Variants in PALM2AKAP2 observed in about 807,000 individuals in gnomAD.
PALM2AKAP2 encodes PALM2 and AKAP2 fusion, also known as PALM2-AKAP2 fusion protein.
PALM2AKAP2 carries 37 observed loss-of-function variants against 71.5 expected under a neutral mutation model. The ratio of observed to expected loss-of-function variants is 0.52; its 90% CI spans 0.40 to 0.68. The LOEUF (loss-of-function observed/expected upper bound fraction) is 0.68. Ranked by LOEUF, PALM2AKAP2 falls within the 30% of genes least tolerant of loss-of-function variation. PALM2AKAP2 has a pLI of 0.00. For synonymous variants in PALM2AKAP2, 468 were observed against 478.8 expected, an observed-to-expected ratio of 0.98 and a Z score of 0.29; for missense variants, 1,224 against 1,191.8, an observed-to-expected ratio of 1.03 and a Z score of -0.40.
At chr9:110,044,195 C>A (rs1001146686), upstream of PALM2AKAP2, among the ~76,000 whole-genome samples, 3 of 152,132 alleles carry the variant, frequency 2.0e-5, no homozygotes, top group Admixed American at 2.0e-4. Flanking sequence ...GAGGATCCCC[C>A]TGGGCTTGGG....
At chr9:109,854,763 CT>C (rs34401582) in intron 1 of PALM2AKAP2, among the ~76,000 whole-genome samples, 1,197 of 66,082 alleles carry the variant, frequency 0.018, 15 homozygotes, top group African/African-American at 0.069. Flanking sequence ...AAGAATGTAT[CT>C]TTTTTTTTTT....
At position 109,710,897 on chromosome 9, in the gene PALM2AKAP2, A is replaced by G. The variant is rs148461264; in HGVS notation, c.6-69591A>G. On this transcript the variant is annotated intron_variant, in intron 1 of 6. Transcript: ENST00000374531. The stretch of plus-strand genomic sequence containing the variant: ...ATATACCTTCTGGAAAAGAAAGAGC[A>G]GGGAAAAAGCAGGAGCTACAGTTTA... 3.7e-3 allele frequency among the ~76,000 whole-genome samples: 569 copies of G among 152,310 alleles called. 3 individuals are homozygous for G. The highest frequency in any genetic ancestry group is 0.013 in the African/African-American group (550 of 41,576).
chr9:109,967,911 A>T (rs1831988061), intron 6 of PALM2AKAP2, among the ~76,000 whole-genome samples: 1 of 152,196 alleles, frequency 6.6e-6, no homozygotes, highest in African/African-American at 2.4e-5. Flanking sequence ...AACAGGCAGG[A>T]TGGTGTGTGA....
At chr9:109,699,784 T>A (rs1428404573) in intron 1 of PALM2AKAP2, among the ~76,000 whole-genome samples, 4 of 151,912 alleles carry the variant, frequency 2.6e-5, no homozygotes, top group Admixed American at 2.0e-4. Flanking sequence ...ATTTATTTTT[T>A]TTTTTTTTGA....
chr9:109,872,765 T>A (rs1213028154), intron 2 of PALM2AKAP2, among the ~76,000 whole-genome samples: 1 of 152,242 alleles, frequency 6.6e-6, no homozygotes. Context: ...GATATTACAG[T>A]GTCTTTCCCG....
chr9:110,118,431 A>C (rs1473272411), intron 1 of PALM2AKAP2, among the ~76,000 whole-genome samples: 1 of 151,950 alleles, frequency 6.6e-6, no homozygotes, highest in Non-Finnish European at 1.5e-5. Flanking sequence ...TATTTTTAGT[A>C]GAGACAGGAT....
chr9:110,106,399 G>T (rs1835122138), intron 1 of PALM2AKAP2, among the ~76,000 whole-genome samples: 1 of 152,192 alleles, frequency 6.6e-6, no homozygotes, highest in Non-Finnish European at 1.5e-5. Context: ...GTCTAAATAT[G>T]TGAAATGAGT....
intron 1 of PALM2AKAP2, among the ~76,000 whole-genome samples, chr9:110,052,374 G>A (rs1227534967): frequency 6.6e-6 from 1 of 152,230 alleles, no homozygotes; most frequent in African/African-American, 2.4e-5. Flanking sequence ...CATGATGGGA[G>A]TTAAGGTAAT....
chr9:109,866,255 C>T (rs957155596), intron 1 of PALM2AKAP2, among the ~76,000 whole-genome samples: 2 of 152,152 alleles, frequency 1.3e-5, no homozygotes, highest in Non-Finnish European at 2.9e-5. Context: ...TAACACTGAG[C>T]ACAGCAGCCA....
chr9:109,911,156 T>G (rs753860045), intron 3 of PALM2AKAP2, among the ~76,000 whole-genome samples: 25 of 152,182 alleles, frequency 1.6e-4, no homozygotes, highest in Non-Finnish European at 2.8e-4. Context: ...ATGGGACTTT[T>G]TCTCTTCCTA....
chr9:109,819,002 T>C (rs1827920401), intron 1 of PALM2AKAP2, among the ~76,000 whole-genome samples: 1 of 152,180 alleles, frequency 6.6e-6, no homozygotes, highest in Non-Finnish European at 1.5e-5. Flanking sequence ...GAAGGCATCT[T>C]TCCATTGGAA....
At chr9:109,714,344 C>T (rs1828285644) in intron 1 of PALM2AKAP2, among the ~76,000 whole-genome samples, 1 of 152,168 alleles carries the variant, frequency 6.6e-6, no homozygotes, top group Non-Finnish European at 1.5e-5. Flanking sequence ...TCACAATTTC[C>T]ACAACTATTG....
intron 1 of PALM2AKAP2, among the ~76,000 whole-genome samples, chr9:109,864,423 T>A (rs949967033): frequency 2.0e-5 from 3 of 152,316 alleles, no homozygotes; most frequent in Admixed American, 6.5e-5. Flanking sequence ...TCTCATCAAT[T>A]CTGTTTCTTC....
At chr9:109,651,117 T>C (rs1483377862) in intron 1 of PALM2AKAP2, among the ~76,000 whole-genome samples, 1 of 152,206 alleles carries the variant, frequency 6.6e-6, no homozygotes, top group African/African-American at 2.4e-5. Context: ...CTGACCTCTA[T>C]GGACTCCCTC....
rs181163956 is a variant in PALM2AKAP2 at position 109,867,394 on chromosome 9, A to C, written c.46-97A>C. The stretch of plus-strand genomic sequence containing the variant: ...GTGCCCGGTGTCTCTGGAAGTGTCT[A>C]TACAGATGTGTGCTGCTGCTGCTGC... On this transcript the variant is annotated intron_variant, in intron 1 of 9. Coordinates refer to the PALM2AKAP2 transcript ENST00000302798. 2.9e-4 allele frequency: 406 copies of C among 1,407,346 alleles called. 1 individual carries two copies. The East Asian group carries it at 9.2e-3, about 32-fold the overall frequency. 87.2% of individuals were successfully genotyped at this position (1,407,346 alleles called of 1,614,324 possible).
In PALM2AKAP2 at chr9:110,027,963, T is replaced by C. The variant is rs907793107; in HGVS notation, c.582+11924T>C. ...GGACAGAAAACCTTTCTACATTGTG[T>C]ATATACATAAAGATCGCTCTAAATT... On this transcript the variant is annotated intron_variant, in intron 7 of 9. Coordinates refer to the PALM2AKAP2 transcript ENST00000302798. Among the ~76,000 whole-genome samples the C allele has an allele frequency of 2.6e-5, 4 of 152,328 alleles. No individual in the cohort carries two copies. In the South Asian group the frequency reaches 8.3e-4, roughly 32 times the overall value.
intron 1 of PALM2AKAP2, among the ~76,000 whole-genome samples, chr9:109,641,434 G>C (rs1827067865): frequency 6.6e-6 from 1 of 152,230 alleles, no homozygotes; most frequent in Non-Finnish European, 1.5e-5. Flanking sequence ...CAAACATATT[G>C]GCGGCAGCCC....
rs150621620 is a variant in PALM2AKAP2 at position 109,949,005 on chromosome 9, A to G, written c.496+16977A>G. 3.8e-3 allele frequency among the ~76,000 whole-genome samples: 581 copies of G among 152,314 alleles called. 2 individuals carry two copies. Among genetic ancestry groups the G allele is most frequent in the South Asian group, 8.3e-3 (40 of 4,822 alleles). On this transcript the variant is annotated intron_variant, in intron 6 of 9. Transcript: ENST00000302798. The stretch of plus-strand genomic sequence containing the variant: ...TATTCCAAAGCTGTATTAACACAAC[A>G]TTCTCTTCCCCACTCCTACCCAGCC...
upstream of PALM2AKAP2, among the ~76,000 whole-genome samples, chr9:110,043,725 T>TTC (rs939825566): frequency 7.2e-6 from 1 of 139,386 alleles, no homozygotes; most frequent in Non-Finnish European, 1.5e-5. Context: ...TGTTTTTTTT[T>TTC]TTTTTTTTTT....
Sources: gnomAD v4.1 joint callset for allele counts (sites outside exome capture counted in the v4.1 genomes callset) on GRCh38, gnomAD v4.1.1 for gene constraint, MANE v1.5 for transcripts, NCBI Gene and HGNC (gene_info 2026-07-23, HGNC 2026-07-21) for gene names.